The following PLA2G4A variants were observed in gnomAD, a reference collection of about 807,000 sequenced individuals.
The protein encoded by PLA2G4A is cytosolic phospholipase A2.
In PLA2G4A, 40 loss-of-function variants were observed where a neutral mutation model predicts 81.9. That is an observed-to-expected ratio of 0.49 (90% CI 0.38 to 0.64). The LOEUF (loss-of-function observed/expected upper bound fraction) is 0.64. PLA2G4A is among the 30% of genes least tolerant of loss of function. The probability of loss-of-function intolerance (pLI) is 0.00; values close to 1 mark genes in which losing one functional copy is unlikely to be tolerated. For synonymous variants in PLA2G4A, 302 were observed against 296.9 expected (o/e 1.02, Z -0.18); for missense variants, 715 against 905.1 (o/e 0.79, Z 2.69).
intron 12 of PLA2G4A, among the ~76,000 whole-genome samples, chr1:186,947,438 C>T (rs1454020965): frequency 1.3e-5 from 2 of 151,992 alleles, no homozygotes; most frequent in Non-Finnish European, 2.9e-5. Context: ...ATCAAATCAC[C>T]TCTAGTACAC....
chr1:186,898,365 G>A (rs1558414437), intron 5 of PLA2G4A, among the ~76,000 whole-genome samples: 1 of 152,086 alleles, frequency 6.6e-6, no homozygotes, highest in Non-Finnish European at 1.5e-5. Flanking sequence ...GCAGTATCAT[G>A]GGGTATCTAT....
chr1:186,946,619 T>C lies in PLA2G4A; in HGVS notation c.1034-18T>C, dbSNP rs760287431. ...ATTTTCCTATTAATGGATTGCCTTG[T>C]TTTTAAAATACTTTCAGATTGGGTT... On this transcript the variant is annotated intron_variant, in intron 10 of 17. Coordinates refer to ENST00000367466, the MANE Select transcript of PLA2G4A (RefSeq NM_024420.3). The C allele has an allele frequency of 6.3e-7, 1 of 1,593,510 alleles. No homozygotes were observed. The highest frequency in any genetic ancestry group is 2.2e-5 in the East Asian group (1 of 44,746).
At chr1:186,854,424 G>A (rs748830843) in intron 2 of PLA2G4A, 37 bp downstream of exon 2, 1 of 1,351,814 alleles carries the variant, frequency 7.4e-7, no homozygotes, top group Non-Finnish European at 1.1e-6. Flanking sequence ...TTTCTTGGAG[G>A]GGGTCTGATA....
chr1:186,871,471 T>A (rs963923663), intron 3 of PLA2G4A, among the ~76,000 whole-genome samples: 1 of 152,126 alleles, frequency 6.6e-6, no homozygotes, highest in Non-Finnish European at 1.5e-5. Flanking sequence ...GAGATTGCAA[T>A]GTATCGTCCA....
chr1:186,897,716 C>A (rs1229369154), intron 5 of PLA2G4A, among the ~76,000 whole-genome samples: 1 of 152,012 alleles, frequency 6.6e-6, no homozygotes, highest in East Asian at 1.9e-4. Flanking sequence ...ACCATGTTGG[C>A]CAGGCTGGTC....
chr1:186,857,316 G>T (rs1338562029), intron 2 of PLA2G4A, among the ~76,000 whole-genome samples: 2 of 110,064 alleles, frequency 1.8e-5, no homozygotes, highest in Admixed American at 1.3e-4. Context: ...TATATTATAT[G>T]TAATATAATA....
Position 186,835,200 on chromosome 1 carries a change from A to T in PLA2G4A, c.-70+6165A>T, listed in dbSNP as rs1043399206. On this transcript the variant is annotated intron_variant, in intron 1 of 17. Coordinates refer to ENST00000367466, the MANE Select transcript of PLA2G4A (RefSeq NM_024420.3). ...TTATGCCCACAGTTTTGACAGGATAAGCAAGTTAAATGCAGTACACAGGCA... is the reference window on the plus strand; with the variant it reads ...TTATGCCCACAGTTTTGACAGGATATGCAAGTTAAATGCAGTACACAGGCA... Among the ~76,000 whole-genome samples, 60 of 152,160 alleles carry T rather than the reference A, an allele frequency of 3.9e-4. 1 individual carries two copies. The highest frequency in any genetic ancestry group is 1.4e-3 in the African/African-American group (60 of 41,450).
At chr1:186,838,119 C>T (rs1651855062) in intron 1 of PLA2G4A, among the ~76,000 whole-genome samples, 1 of 152,004 alleles carries the variant, frequency 6.6e-6, no homozygotes, top group South Asian at 2.1e-4. Flanking sequence ...GAATACAAGT[C>T]CACCAAAGAA....
chr1:186,895,417 C>G (rs189646220), intron 5 of PLA2G4A, among the ~76,000 whole-genome samples: 1 of 152,220 alleles, frequency 6.6e-6, no homozygotes. Context: ...AAGAGATGCA[C>G]TCACCACAAT....
At chr1:186,925,785 TA>T (rs547229676) in intron 7 of PLA2G4A, among the ~76,000 whole-genome samples, 1 of 152,216 alleles carries the variant, frequency 6.6e-6, no homozygotes, top group Non-Finnish European at 1.5e-5. Flanking sequence ...TGGTTGTACT[TA>T]AAAAAATTCT....
intron 7 of PLA2G4A, among the ~76,000 whole-genome samples, chr1:186,932,294 C>CTTTTTTTTTTTTTTTTTTTT (rs67757094): frequency 7.2e-6 from 1 of 138,560 alleles, no homozygotes; most frequent in Non-Finnish European, 1.6e-5. Flanking sequence ...TTTTCTTTTT[C>CTTTTTTTTTTTTTTTTTTTT]TTTTTTTTTT....
chr1:186,968,677 C>A (rs937154163), intron 15 of PLA2G4A, among the ~76,000 whole-genome samples: 1 of 151,614 alleles, frequency 6.6e-6, no homozygotes, highest in South Asian at 2.1e-4. Flanking sequence ...TGCTATCTTG[C>A]CACCTTTTTC....
intron 5 of PLA2G4A, among the ~76,000 whole-genome samples, chr1:186,897,584 C>A (rs1190119758): frequency 6.6e-6 from 1 of 152,156 alleles, no homozygotes; most frequent in Non-Finnish European, 1.5e-5. Context: ...TCTTGCTTCA[C>A]TGCAACTTCT....
At chr1:186,839,968 T>C (rs898935975) in intron 1 of PLA2G4A, among the ~76,000 whole-genome samples, 17 of 47,326 alleles carry the variant, frequency 3.6e-4, no homozygotes, top group Non-Finnish European at 4.6e-4. Context: ...TTGACTTCTT[T>C]TTTTTTTTTT....
At chr1:186,876,490 C>T (rs1482509323) in intron 3 of PLA2G4A, among the ~76,000 whole-genome samples, 1 of 152,042 alleles carries the variant, frequency 6.6e-6, no homozygotes, top group Non-Finnish European at 1.5e-5. Flanking sequence ...CAGTGATCTC[C>T]CTCACTCCAA....
At chr1:186,903,958 C>T (rs1286381132) in intron 5 of PLA2G4A, among the ~76,000 whole-genome samples, 1 of 152,166 alleles carries the variant, frequency 6.6e-6, no homozygotes, top group Non-Finnish European at 1.5e-5. Context: ...AAAGCACTTC[C>T]TTATTTTCAG....
At chr1:186,891,859 T>G (rs1654156590) in intron 3 of PLA2G4A, among the ~76,000 whole-genome samples, 1 of 152,188 alleles carries the variant, frequency 6.6e-6, no homozygotes, top group Non-Finnish European at 1.5e-5. Flanking sequence ...TTTTTAGGTT[T>G]TTGAGGAACC....
intron 12 of PLA2G4A, among the ~76,000 whole-genome samples, chr1:186,948,528 A>AG (rs1332313119): frequency 3.2e-4 from 49 of 151,766 alleles, no homozygotes; most frequent in Middle Eastern, 3.4e-3. Context: ...AAAAAAAAAA[A>AG]AAGAAGAAGA....
In PLA2G4A at chr1:186,979,305, T is replaced by C. The variant is rs776181524; in HGVS notation, c.1961-10T>C. 3.7e-5 allele frequency: 59 copies of C among 1,601,836 alleles called. No homozygotes were observed. The highest frequency in any genetic ancestry group is 4.7e-5 in the Non-Finnish European group (55 of 1,168,774). ...AAAATAACACCCTTTGTGACTCTTC[T>C]GGTATTTAGGTGTTCCAAGGGAAAC... On this transcript the variant is annotated splice_polypyrimidine_tract_variant and intron_variant, in intron 16 of 17. Coordinates refer to ENST00000367466, the MANE Select transcript of PLA2G4A (RefSeq NM_024420.3).
Sources: gnomAD v4.1 joint callset for allele counts (sites outside exome capture counted in the v4.1 genomes callset) on GRCh38, gnomAD v4.1.1 for gene constraint, MANE v1.5 for transcripts, NCBI Gene and HGNC (gene_info 2026-07-23, HGNC 2026-07-21) for gene names.